Variants in CPEB3 observed in about 807,000 individuals in gnomAD.
CPEB3 encodes the protein cytoplasmic polyadenylation element binding protein 3.
Under a neutral mutation model 67.2 loss-of-function variants are expected in CPEB3, and 20 were observed. The observed-to-expected ratio is 0.30, with a 90% CI of 0.21 to 0.43. The LOEUF is 0.43. Among genes scored for constraint, CPEB3 ranks in the 20% least tolerant of loss-of-function variants. CPEB3 has a pLI of 1.00. For missense variants in CPEB3, 746 were observed against 968.6 expected (o/e 0.77, Z 3.05); for synonymous variants, 376 against 393.1 (o/e 0.96, Z 0.51).
intron 2 of CPEB3, chr10:92,216,437 C>T: frequency 6.2e-7 from 1 of 1,612,658 alleles, no homozygotes; most frequent in Non-Finnish European, 8.5e-7. Context: ...CCCCATCGCG[C>T]AGCTCCTGGC....
At chr10:92,075,405 G>T (rs2133166746) in intron 9 of CPEB3, among the ~76,000 whole-genome samples, 1 of 152,176 alleles carries the variant, frequency 6.6e-6, no homozygotes, top group South Asian at 2.1e-4. Flanking sequence ...ACACCTCTAT[G>T]TTTCTTAAGA....
intron 7 of CPEB3, among the ~76,000 whole-genome samples, chr10:92,102,681 T>A (rs951524421): frequency 6.6e-6 from 1 of 152,258 alleles, no homozygotes; most frequent in Non-Finnish European, 1.5e-5. Context: ...CTTTGCACTA[T>A]ATTTGATTTA....
rs148449766 is a variant in CPEB3 at position 92,080,466 on chromosome 10, T to C, written c.1869+854A>G. Among the ~76,000 whole-genome samples, 488 of 152,110 alleles carry C rather than the reference T, an allele frequency of 3.2e-3. 7 individuals carry two copies. Among genetic ancestry groups the C allele is most frequent in the Non-Finnish European group, 6.0e-4 (41 of 67,998 alleles). ...CTAGAGGGCAGGCAGGTAACACCAA[T>C]GAACAGTGTGGCAGGTAAGGCATGT... is the stretch of plus-strand genomic sequence containing the variant. On this transcript the variant is annotated intron_variant, in intron 9 of 9. Coordinates refer to ENST00000265997, the MANE Select transcript of CPEB3 (RefSeq NM_014912.5).
intron 3 of CPEB3, among the ~76,000 whole-genome samples, chr10:92,190,444 T>A (rs922867975): frequency 6.6e-6 from 1 of 151,702 alleles, no homozygotes; most frequent in Non-Finnish European, 1.5e-5. Context: ...GGCAGGTGGA[T>A]CACCTAAGGT....
chr10:92,061,857 A>G (rs1368806678), intron 9 of CPEB3, among the ~76,000 whole-genome samples: 1 of 152,214 alleles, frequency 6.6e-6, no homozygotes, highest in Non-Finnish European at 1.5e-5. Context: ...CAAAGGATAA[A>G]TGTTTGAGGG....
chr10:92,161,361 T>C (rs1364191559), intron 4 of CPEB3, among the ~76,000 whole-genome samples: 3 of 151,908 alleles, frequency 2.0e-5, no homozygotes, highest in Admixed American at 6.6e-5. Context: ...AACCTCTGCC[T>C]CCTGGATTCA....
intron 6 of CPEB3, among the ~76,000 whole-genome samples, chr10:92,141,313 G>A (rs1278289736): frequency 6.6e-6 from 1 of 151,846 alleles, no homozygotes; most frequent in African/African-American, 2.4e-5. Context: ...AAAAAAGGAT[G>A]AGTTCATGTC....
Position 92,228,955 on chromosome 10 carries a change from G to A in CPEB3, c.1005+10391C>T, listed in dbSNP as rs145702371. ...TCTTGAACTCCTGACCTCGTGATCC[G>A]CCCACCTTGGCCTCCCAAAGTGCTG... On this transcript the variant is annotated intron_variant, in intron 2 of 9. Transcript: ENST00000265997. Among the ~76,000 whole-genome samples, 1,504 of 151,820 alleles carry A rather than the reference G, an allele frequency of 9.9e-3. 26 individuals are homozygous for A. Among genetic ancestry groups the A allele is most frequent in the African/African-American group, 0.034 (1,405 of 41,382 alleles).
chr10:92,077,209 T>C (rs997566226), intron 9 of CPEB3, among the ~76,000 whole-genome samples: 17 of 152,154 alleles, frequency 1.1e-4, no homozygotes, highest in Admixed American at 9.8e-4. Flanking sequence ...AAAGCTTAAA[T>C]GTAAGCTTTA....
intron 7 of CPEB3, among the ~76,000 whole-genome samples, chr10:92,098,127 CT>C (rs1364195505): frequency 1.7e-5 from 2 of 118,822 alleles, no homozygotes; most frequent in African/African-American, 6.2e-5. Flanking sequence ...CGCCATTGCA[CT>C]CCATCCTGGG....
At chr10:92,069,668 G>C (rs1842681153) in intron 9 of CPEB3, among the ~76,000 whole-genome samples, 1 of 152,182 alleles carries the variant, frequency 6.6e-6, no homozygotes, top group Non-Finnish European at 1.5e-5. Context: ...GCCTCCCAAA[G>C]TGCTGGGATT....
chr10:92,247,940 G>C (rs1852139476), intron 1 of CPEB3, among the ~76,000 whole-genome samples: 1 of 152,060 alleles, frequency 6.6e-6, no homozygotes, highest in Admixed American at 6.6e-5. Context: ...TGTCATCTAG[G>C]CTGGAGTGCA....
chr10:92,279,971 A>T (rs1380101252), intron 1 of CPEB3, among the ~76,000 whole-genome samples: 1 of 152,130 alleles, frequency 6.6e-6, no homozygotes, highest in Non-Finnish European at 1.5e-5. Flanking sequence ...AGATCATGCC[A>T]CTGCACTCCA....
chr10:92,203,795 A>T (rs1010400706), intron 2 of CPEB3, among the ~76,000 whole-genome samples: 1 of 152,060 alleles, frequency 6.6e-6, no homozygotes, highest in Non-Finnish European at 1.5e-5. Context: ...CAGCTGCTCC[A>T]TTCAGGAGCC....
intron 4 of CPEB3, among the ~76,000 whole-genome samples, chr10:92,166,758 A>G (rs1847763537): frequency 6.6e-6 from 1 of 152,158 alleles, no homozygotes; most frequent in Non-Finnish European, 1.5e-5. Flanking sequence ...CTTAAACTCA[A>G]AGTCACCAGC....
At chr10:92,178,792 A>G (rs954974652) in intron 4 of CPEB3, among the ~76,000 whole-genome samples, 2 of 152,232 alleles carry the variant, frequency 1.3e-5, no homozygotes, top group African/African-American at 4.8e-5. Context: ...TCAACTGTAC[A>G]AAAAGGAAAA....
At chr10:92,244,673 G>A (rs932991006) in intron 1 of CPEB3, among the ~76,000 whole-genome samples, 146 of 152,066 alleles carry the variant, frequency 9.6e-4, no homozygotes, top group Admixed American at 1.6e-3. Context: ...TCCTGACCTC[G>A]TGATCCGCCC....
chr10:92,229,195 A>T lies in CPEB3; in HGVS notation c.1005+10151T>A, dbSNP rs564588650. Reference sequence around the variant, plus strand: ...TATGACATCAGGCCCAGCTAATTTTAAAAAATTTTTAATTTTTTTATAGAG... The same window carrying T: ...TATGACATCAGGCCCAGCTAATTTTTAAAAATTTTTAATTTTTTTATAGAG... On this transcript the variant is annotated intron_variant, in intron 2 of 9. Transcript: ENST00000265997. Among the ~76,000 whole-genome samples the T allele has an allele frequency of 1.4e-3, 211 of 151,616 alleles. 1 individual carries two copies. Among genetic ancestry groups the T allele is most frequent in the African/African-American group, 4.7e-3 (196 of 41,382 alleles).
intron 6 of CPEB3, chr10:92,137,148 G>C: frequency 2.8e-6 from 1 of 352,862 alleles, no homozygotes; most frequent in South Asian, 3.7e-5. Flanking sequence ...TAGATCTAAA[G>C]GCTACCCACA....
Sources: allele counts gnomAD v4.1 joint callset (sites outside exome capture counted in the v4.1 genomes callset), GRCh38; gene constraint gnomAD v4.1.1; transcripts MANE v1.5; gene names NCBI Gene and HGNC (gene_info 2026-07-23, HGNC 2026-07-21).